Variants in PHACTR1 observed in about 807,000 individuals in gnomAD.
PHACTR1 encodes phosphatase and actin regulator 1.
A neutral mutation model predicts 69.2 loss-of-function variants in PHACTR1; 16 were observed. That is an observed-to-expected ratio of 0.23 (90% confidence interval 0.16 to 0.35). PHACTR1 has a LOEUF of 0.35. Ranked by LOEUF, PHACTR1 falls within the 10% of genes least tolerant of loss-of-function variation. PHACTR1 has a pLI of 1.00. For synonymous variants in PHACTR1, 312 were observed against 284.5 expected (o/e 1.10, Z -0.97); for missense variants, 510 against 734.7 (o/e 0.69, Z 3.54).
At chr6:13,272,759 C>T (rs1778026854) in intron 10 of PHACTR1, 101 bp from the exon 11 acceptor site, 2 of 1,613,072 alleles carry the variant, frequency 1.2e-6, no homozygotes, top group Admixed American at 3.3e-5. Context: ...AACAAGAACT[C>T]CAGCCACTGA....
At chr6:12,959,841 C>A (rs1187699024) in intron 4 of PHACTR1, among the ~76,000 whole-genome samples, 1 of 152,128 alleles carries the variant, frequency 6.6e-6, no homozygotes, top group Admixed American at 6.5e-5. Flanking sequence ...GATCATGGTG[C>A]CCACATTTTC....
intron 5 of PHACTR1, among the ~76,000 whole-genome samples, chr6:13,131,208 T>TACACATACACACACACAC (rs67522119): frequency 6.8e-6 from 1 of 146,370 alleles, no homozygotes; most frequent in African/African-American, 2.6e-5. Flanking sequence ...TATATACACA[T>TACACATACACACACACAC]ACACACACAC....
chr6:12,802,082 A>ATATTATTTTATATAATAAAGTACATT (rs577425162), intron 4 of PHACTR1, among the ~76,000 whole-genome samples: 9,505 of 147,634 alleles, frequency 0.064, 410 homozygotes, highest in Admixed American at 0.093. Flanking sequence ...ATTGAGCTAC[A>ATATTATTTTATATAATAAAGTACATT]TATTATATAA....
chr6:13,281,847 C>T (rs1223744830), intron 12 of PHACTR1, among the ~76,000 whole-genome samples: 1 of 152,200 alleles, frequency 6.6e-6, no homozygotes, highest in African/African-American at 2.4e-5. Flanking sequence ...CACACTGGTG[C>T]CAGAATGTTG....
At chr6:13,230,994 T>C (rs540780026) in intron 10 of PHACTR1, among the ~76,000 whole-genome samples, 8 of 82,886 alleles carry the variant, frequency 9.7e-5, no homozygotes, top group African/African-American at 2.9e-4. Flanking sequence ...CCAGCCCAGG[T>C]GACAGAGAGA....
intron 4 of PHACTR1, among the ~76,000 whole-genome samples, chr6:12,767,221 A>G (rs1561863274): frequency 6.6e-6 from 1 of 152,206 alleles, no homozygotes; most frequent in Non-Finnish European, 1.5e-5. Flanking sequence ...ATGGTGAGTC[A>G]TTTGAAGTGC....
intron 4 of PHACTR1, among the ~76,000 whole-genome samples, chr6:12,948,823 C>A (rs2127550754): frequency 6.6e-6 from 1 of 152,280 alleles, no homozygotes; most frequent in East Asian, 1.9e-4. Flanking sequence ...GAATATTTGA[C>A]AATTTAGTGA....
chr6:12,843,297 C>T (rs1778881769), intron 4 of PHACTR1, among the ~76,000 whole-genome samples: 1 of 152,178 alleles, frequency 6.6e-6, no homozygotes, highest in South Asian at 2.1e-4. Context: ...TCTTTTGGTT[C>T]ACTTTCTTTT....
chr6:12,928,124 T>C (rs1277097825), intron 4 of PHACTR1, among the ~76,000 whole-genome samples: 2 of 152,176 alleles, frequency 1.3e-5, no homozygotes, highest in Non-Finnish European at 1.5e-5. Flanking sequence ...AGGGTGATCA[T>C]GCCAGTCCCA....
At chr6:13,175,489 G>A (rs1045784125) in intron 6 of PHACTR1, among the ~76,000 whole-genome samples, 2 of 152,150 alleles carry the variant, frequency 1.3e-5, no homozygotes, top group Admixed American at 6.5e-5. Context: ...CTGAGTCAGG[G>A]CTTCTTTCCA....
chr6:12,757,154 A>G (rs1044809671), intron 4 of PHACTR1, among the ~76,000 whole-genome samples: 24 of 152,226 alleles, frequency 1.6e-4, no homozygotes, highest in African/African-American at 5.8e-4. Flanking sequence ...GATAGACAAC[A>G]TGGAGGAGAA....
At chr6:12,953,984 T>A (rs1251649695) in intron 4 of PHACTR1, among the ~76,000 whole-genome samples, 1 of 152,210 alleles carries the variant, frequency 6.6e-6, no homozygotes, top group African/African-American at 2.4e-5. Context: ...ATACATTGAC[T>A]AATAAAAGCG....
chr6:13,167,169 C>T (rs181941857), intron 6 of PHACTR1, among the ~76,000 whole-genome samples: 1 of 152,278 alleles, frequency 6.6e-6, no homozygotes, highest in Admixed American at 6.5e-5. Flanking sequence ...TTTATAGGGA[C>T]ACAGGAAGGC....
intron 3 of PHACTR1, among the ~76,000 whole-genome samples, chr6:12,747,430 C>G (rs1328930243): frequency 6.6e-6 from 1 of 151,826 alleles, no homozygotes; most frequent in Non-Finnish European, 1.5e-5. Context: ...TTGAGAGACC[C>G]AGACAGGAGG....
intron 4 of PHACTR1, among the ~76,000 whole-genome samples, chr6:13,019,190 A>G (rs898724301): frequency 2.6e-5 from 4 of 151,924 alleles, no homozygotes; most frequent in African/African-American, 9.7e-5. Context: ...TGGGATTACA[A>G]GCGTGAGCCG....
chr6:12,920,244 A>G lies in PHACTR1; in HGVS notation c.251-133121A>G, dbSNP rs752776350. 7.9e-5 allele frequency among the ~76,000 whole-genome samples: 12 copies of G among 152,232 alleles called. No individual in the cohort carries two copies. The East Asian group carries it at 2.1e-3, about 27-fold the overall frequency. On this transcript the variant is annotated intron_variant, in intron 4 of 14. Transcript: ENST00000332995. ...CTAAACTTGTTTTTGTCCTGCCTCC[A>G]ATTTACCTGACAATGAGTACAGTGA... is the stretch of plus-strand genomic sequence containing the variant.
At chr6:12,747,125 C>T (rs1018449174) in intron 3 of PHACTR1, among the ~76,000 whole-genome samples, 14 of 152,118 alleles carry the variant, frequency 9.2e-5, no homozygotes, top group African/African-American at 3.1e-4. Flanking sequence ...CAGTGATAAA[C>T]GGGAAATAAT....
At chr6:13,204,523 T>A (rs1765640079) in intron 7 of PHACTR1, among the ~76,000 whole-genome samples, 1 of 152,110 alleles carries the variant, frequency 6.6e-6, no homozygotes, top group Non-Finnish European at 1.5e-5. Context: ...GCAGGCTACA[T>A]CTTCCCAGAA....
chr6:12,742,005 T>A (rs887542870), intron 3 of PHACTR1, among the ~76,000 whole-genome samples: 8 of 152,202 alleles, frequency 5.3e-5, no homozygotes, highest in African/African-American at 1.7e-4. Flanking sequence ...AGATATTTGA[T>A]GGTTTTGATG....
Sources: gnomAD v4.1 joint callset for allele counts (sites outside exome capture counted in the v4.1 genomes callset) on GRCh38, gnomAD v4.1.1 for gene constraint, MANE v1.5 for transcripts, NCBI Gene and HGNC (gene_info 2026-07-23, HGNC 2026-07-21) for gene names.